Variants in AIDA observed in about 807,000 individuals in gnomAD.
AIDA encodes the protein axin interactor, dorsalization-associated protein.
Under a neutral mutation model 42.7 loss-of-function variants are expected in AIDA, and 18 were observed. The observed-to-expected ratio is 0.42, with a 90% CI of 0.29 to 0.63. The LOEUF (loss-of-function observed/expected upper bound fraction) is 0.63. Among genes scored for constraint, AIDA ranks in the 20% least tolerant of loss-of-function variants. AIDA has a pLI of 0.19. For synonymous variants in AIDA, 104 were observed against 122.9 expected (o/e 0.85, Z 1.02); for missense variants, 250 against 354.1 (o/e 0.71, Z 2.36).
At chr1:222,679,379 G>A (rs886552300) in intron 6 of AIDA, among the ~76,000 whole-genome samples, 2 of 152,238 alleles carry the variant, frequency 1.3e-5, no homozygotes, top group Middle Eastern at 3.4e-3. Context: ...AATCATACAT[G>A]AGCCATGAAA....
chr1:222,687,746 A>G, intron 4 of AIDA, 88 bp from the exon 5 acceptor site: 3 of 992,910 alleles, frequency 3.0e-6, no homozygotes, highest in Non-Finnish European at 4.3e-6. Flanking sequence ...AATCAATTTT[A>G]TTGTGCATAT....
rs556354048 is a variant in AIDA, at chr1:222,678,732, G to A, written c.461-2514C>T. On this transcript the variant is annotated intron_variant, in intron 6 of 9. Coordinates refer to ENST00000340020, the MANE Select transcript of AIDA (RefSeq NM_022831.4). ...TTTACTAAGGAACAGCTGAAGCTATGTGATTAAGACGACAGGTAATAGAGA... is the reference window on the plus strand; with the variant it reads ...TTTACTAAGGAACAGCTGAAGCTATATGATTAAGACGACAGGTAATAGAGA... Among the ~76,000 whole-genome samples, 5 of 152,240 alleles carry A rather than the reference G, an allele frequency of 3.3e-5. No homozygotes were observed. The South Asian group carries it at 6.2e-4, about 19-fold the overall frequency.
At chr1:222,690,695 A>G (rs979325482) in intron 4 of AIDA, among the ~76,000 whole-genome samples, 1 of 97,314 alleles carries the variant, frequency 1.0e-5, no homozygotes, top group Non-Finnish European at 2.2e-5. Flanking sequence ...TAATCTTATA[A>G]TATATACTCT....
intron 2 of AIDA, among the ~76,000 whole-genome samples, chr1:222,698,448 A>AT (rs36041357): frequency 0.051 from 6,524 of 127,352 alleles, 555 homozygotes; most frequent in African/African-American, 0.17. Context: ...TTATTCATCA[A>AT]TTTTTTTTTT....
chr1:222,698,819 AAT>A (rs1284937502), intron 2 of AIDA, among the ~76,000 whole-genome samples: 1 of 151,620 alleles, frequency 6.6e-6, no homozygotes, highest in African/African-American at 2.4e-5. Context: ...GCACTTTAAA[AAT>A]ATGTTTTGTG....
intron 3 of AIDA, 75 bp downstream of exon 3, chr1:222,694,135 A>G: frequency 1.5e-6 from 2 of 1,329,242 alleles, no homozygotes; most frequent in Non-Finnish European, 2.1e-6. Flanking sequence ...CTTTTGACAT[A>G]AATGTCTAAT....
chr1:222,695,044 A>C (rs1655480292), intron 2 of AIDA, among the ~76,000 whole-genome samples: 2 of 152,276 alleles, frequency 1.3e-5, no homozygotes, highest in Non-Finnish European at 2.9e-5. Flanking sequence ...AACTGAAAGC[A>C]GGCAGAAAAG....
chr1:222,678,528 CT>C (rs34007743), intron 6 of AIDA, among the ~76,000 whole-genome samples: 11 of 151,236 alleles, frequency 7.3e-5, no homozygotes, highest in Admixed American at 2.0e-4. Context: ...TACCAACAAA[CT>C]TTTTTTTTGC....
chr1:222,693,456 A>C (rs556052784), intron 4 of AIDA, among the ~76,000 whole-genome samples: 4 of 152,198 alleles, frequency 2.6e-5, no homozygotes, highest in Non-Finnish European at 5.9e-5. Context: ...ATGTAGTGTA[A>C]ATGGGAATCA....
At chr1:222,679,919 G>A (rs1376097745) in intron 6 of AIDA, among the ~76,000 whole-genome samples, 1 of 152,218 alleles carries the variant, frequency 6.6e-6, no homozygotes, top group Non-Finnish European at 1.5e-5. Flanking sequence ...TTCTAAATAT[G>A]AAAAGCTCTG....
chr1:222,684,359 G>C (rs1468483393), intron 6 of AIDA, among the ~76,000 whole-genome samples: 2 of 152,062 alleles, frequency 1.3e-5, no homozygotes, highest in African/African-American at 4.8e-5. Flanking sequence ...TGATTCACCT[G>C]CCTCGGCCTC....
intron 1 of AIDA, among the ~76,000 whole-genome samples, chr1:222,704,900 G>A (rs904274617): frequency 6.6e-6 from 1 of 152,106 alleles, no homozygotes; most frequent in Non-Finnish European, 1.5e-5. Context: ...TTCTGGGTGG[G>A]CAATAGGAAC....
At chr1:222,696,429 G>T (rs1164412704) in intron 2 of AIDA, among the ~76,000 whole-genome samples, 1 of 152,202 alleles carries the variant, frequency 6.6e-6, no homozygotes, top group Non-Finnish European at 1.5e-5. Context: ...TTTACAAACA[G>T]TAATTCTTTT....
chr1:222,682,046 T>C (rs539364391), intron 6 of AIDA, among the ~76,000 whole-genome samples: 2 of 152,336 alleles, frequency 1.3e-5, no homozygotes, highest in Middle Eastern at 3.4e-3. Flanking sequence ...AACCAGACTA[T>C]GAATGGATGA....
intron 6 of AIDA, among the ~76,000 whole-genome samples, chr1:222,677,880 CCTCAATA>C (rs1166776226): frequency 6.6e-6 from 1 of 152,010 alleles, no homozygotes; most frequent in African/African-American, 2.4e-5. Context: ...ACCAAAAACA[CCTCAATA>C]GAGAACCTGG....
chr1:222,680,175 A>C (rs2124952273), intron 6 of AIDA, among the ~76,000 whole-genome samples: 1 of 152,352 alleles, frequency 6.6e-6, no homozygotes, highest in South Asian at 2.1e-4. Context: ...CCCCTATAGC[A>C]ATTTTATTAT....
At chr1:222,691,738 A>T (rs944518128) in intron 4 of AIDA, among the ~76,000 whole-genome samples, 1 of 152,304 alleles carries the variant, frequency 6.6e-6, no homozygotes, top group Middle Eastern at 3.4e-3. Context: ...GGTGACAAAA[A>T]AGACCATGTG....
At chr1:222,696,229 AAAC>A (rs1278638082) in intron 2 of AIDA, among the ~76,000 whole-genome samples, 4 of 152,248 alleles carry the variant, frequency 2.6e-5, no homozygotes, top group Admixed American at 6.5e-5. Context: ...TCACTCTCTC[AAAC>A]AACTGTTGCA....
intron 4 of AIDA, among the ~76,000 whole-genome samples, chr1:222,689,479 GTGTATATATATATATATATA>G (rs1420989514): frequency 2.0e-4 from 9 of 45,250 alleles, no homozygotes; most frequent in South Asian, 5.4e-4. Flanking sequence ...ATGTGTGTGT[GTGTATATATATATATATATA>G]TATATATATA....
Sources: gnomAD v4.1 joint callset for allele counts (sites outside exome capture counted in the v4.1 genomes callset) on GRCh38, gnomAD v4.1.1 for gene constraint, MANE v1.5 for transcripts, NCBI Gene and HGNC (gene_info 2026-07-23, HGNC 2026-07-21) for gene names.